The following DOCK1 variants were observed in gnomAD, a reference collection of about 807,000 sequenced individuals.
DOCK1 encodes dedicator of cytokinesis 1.
Under a neutral mutation model 262.7 loss-of-function variants are expected in DOCK1, and 138 were observed. The observed-to-expected ratio is 0.53, with a 90% CI of 0.46 to 0.61. DOCK1 has a LOEUF of 0.61. Among genes scored for constraint, DOCK1 ranks in the 20% least tolerant of loss-of-function variants. The pLI is 0.00. For synonymous variants in DOCK1, 866 were observed against 867.4 expected, an observed-to-expected ratio of 1.00 and a Z score of 0.03; for missense variants, 1,908 against 2,370.7, an observed-to-expected ratio of 0.80 and a Z score of 4.05.
At chr10:127,374,869 A>G (rs2065401492) in intron 35 of DOCK1, among the ~76,000 whole-genome samples, 3 of 152,142 alleles carry the variant, frequency 2.0e-5, no homozygotes, top group African/African-American at 7.2e-5. Context: ...CCCCCCCTAG[A>G]GCTTTCTAGG....
At chr10:127,345,062 A>T (rs2063572600) in intron 31 of DOCK1, among the ~76,000 whole-genome samples, 2 of 152,330 alleles carry the variant, frequency 1.3e-5, no homozygotes, top group East Asian at 3.9e-4. Context: ...GACTAGTAAC[A>T]GTAGGCTATA....
chr10:127,103,477 T>G (rs887011454), intron 23 of DOCK1, among the ~76,000 whole-genome samples: 2 of 152,152 alleles, frequency 1.3e-5, no homozygotes, highest in Admixed American at 1.3e-4. Flanking sequence ...ATGAAGAAAC[T>G]GCATTGCATT....
chr10:127,153,722 T>G (rs1441234419), intron 27 of DOCK1: 2 of 688,900 alleles, frequency 2.9e-6, no homozygotes, highest in African/African-American at 3.6e-5. Context: ...AGAATTACAG[T>G]CAAGTAAGGT....
intron 31 of DOCK1, among the ~76,000 whole-genome samples, chr10:127,348,215 A>T (rs1300925618): frequency 6.6e-6 from 1 of 152,002 alleles, no homozygotes; most frequent in Non-Finnish European, 1.5e-5. Context: ...ACCTTCAGAC[A>T]TCCTTGGTGC....
At chr10:127,110,155 G>A (rs1024362436) in intron 24 of DOCK1, 93 bp from the exon 25 acceptor site, 6 of 988,366 alleles carry the variant, frequency 6.1e-6, no homozygotes, top group Non-Finnish European at 9.4e-6. Flanking sequence ...TGACATTAAT[G>A]ACCATGTGAT....
rs1317775622 is a variant in DOCK1 at position 127,439,082 on chromosome 10, C to T, written c.5116C>T (p.Leu1706=). 1.3e-6 allele frequency: 2 copies of T among 1,561,164 alleles called. No homozygotes were observed. Among genetic ancestry groups the T allele is most frequent in the South Asian group, 2.4e-5 (2 of 84,540 alleles). Residue 1706 remains leucine (L), a synonymous_variant, in exon 49 of 52, where the codon CTG becomes TTG. Coordinates refer to ENST00000623213, the MANE Select transcript of DOCK1 (RefSeq NM_001290223.2). Reference sequence around the variant, plus strand: ...AATGCACTCCAGGTCCCAGGACAAGCTGGACAAGGATGACCTGGAGAAGGA... The same window carrying T: ...AATGCACTCCAGGTCCCAGGACAAGTTGGACAAGGATGACCTGGAGAAGGA... ...KKMHSRSQDK[L]DKDDLEKEKK...
chr10:126,967,921 C>T (rs1430949120), intron 1 of DOCK1, among the ~76,000 whole-genome samples: 3 of 152,140 alleles, frequency 2.0e-5, no homozygotes, highest in East Asian at 1.9e-4. Flanking sequence ...TCAAGCGATT[C>T]TCTTGCCTCA....
chr10:126,957,033 A>G (rs1024345255), intron 1 of DOCK1, among the ~76,000 whole-genome samples: 25 of 152,182 alleles, frequency 1.6e-4, no homozygotes, highest in African/African-American at 5.8e-4. Flanking sequence ...CACAGGCTGC[A>G]CCCGACGGGG....
chr10:127,324,363 A>T (rs1208915570), intron 29 of DOCK1, among the ~76,000 whole-genome samples: 3 of 152,218 alleles, frequency 2.0e-5, no homozygotes, highest in Non-Finnish European at 4.4e-5. Context: ...TCAATAATAG[A>T]AATCAGAAAT....
intron 22 of DOCK1, among the ~76,000 whole-genome samples, chr10:127,053,534 C>T (rs2044901356): frequency 6.6e-6 from 1 of 152,196 alleles, no homozygotes; most frequent in African/African-American, 2.4e-5. Flanking sequence ...TGACAGTTTT[C>T]ACACGCTGTG....
chr10:127,261,522 C>T (rs1590176525), intron 29 of DOCK1, among the ~76,000 whole-genome samples: 1 of 113,082 alleles, frequency 8.8e-6, no homozygotes, highest in Admixed American at 9.2e-5. Flanking sequence ...TGTGTACCTG[C>T]ATGTGTGTGC....
At chr10:127,207,078 A>G (rs1180859028) in intron 27 of DOCK1, among the ~76,000 whole-genome samples, 1 of 152,200 alleles carries the variant, frequency 6.6e-6, no homozygotes, top group Non-Finnish European at 1.5e-5. Flanking sequence ...ATAGGACCGC[A>G]ATTGCCAGAA....
chr10:126,929,914 A>G (rs1255528110), intron 1 of DOCK1, among the ~76,000 whole-genome samples: 3 of 152,178 alleles, frequency 2.0e-5, no homozygotes, highest in Non-Finnish European at 4.4e-5. Context: ...GTAGTCCAAG[A>G]CATTTCTATC....
At chr10:127,341,316 C>T (rs2063416072) in intron 30 of DOCK1, among the ~76,000 whole-genome samples, 1 of 152,150 alleles carries the variant, frequency 6.6e-6, no homozygotes, top group African/African-American at 2.4e-5. Context: ...CCTTTGTACC[C>T]AGCTAGCAGA....
At chr10:126,943,175 CG>C (rs1458430817) in intron 1 of DOCK1, among the ~76,000 whole-genome samples, 1 of 151,044 alleles carries the variant, frequency 6.6e-6, no homozygotes, top group Non-Finnish European at 1.5e-5. Context: ...ATCATTTGAA[CG>C]TGGGAGGCGG....
At chr10:127,417,424 ACG>A (rs1352927410) in intron 44 of DOCK1, among the ~76,000 whole-genome samples, 2 of 150,640 alleles carry the variant, frequency 1.3e-5, no homozygotes, top group East Asian at 3.9e-4. Context: ...CCTGAGAGAC[ACG>A]CACTGGAGCC....
chr10:127,043,362 C>T (rs774659550), intron 21 of DOCK1, among the ~76,000 whole-genome samples, 198 bp downstream of exon 21: 6 of 152,268 alleles, frequency 3.9e-5, no homozygotes, highest in South Asian at 4.1e-4. Context: ...GATAAATCAT[C>T]GTAATATTCT....
At chr10:127,049,178 G>A (rs906051496) in intron 21 of DOCK1, among the ~76,000 whole-genome samples, 1 of 152,136 alleles carries the variant, frequency 6.6e-6, no homozygotes, top group Non-Finnish European at 1.5e-5. Flanking sequence ...TAAAAGTACA[G>A]TAGAATTACA....
chr10:127,098,393 G>A (rs534190344), intron 23 of DOCK1, among the ~76,000 whole-genome samples: 1 of 152,288 alleles, frequency 6.6e-6, no homozygotes, highest in Middle Eastern at 3.4e-3. Flanking sequence ...ACGCTGAGGA[G>A]GTTTTCCATG....
Sources: allele counts gnomAD v4.1 joint callset (sites outside exome capture counted in the v4.1 genomes callset), GRCh38; gene constraint gnomAD v4.1.1; transcripts MANE v1.5; gene names NCBI Gene and HGNC (gene_info 2026-07-23, HGNC 2026-07-21).